Variants in CENPC observed in about 807,000 individuals in gnomAD.
CENPC encodes CENP-C 1.
In CENPC, 63 loss-of-function variants were observed where a neutral mutation model predicts 112.1. The observed-to-expected ratio is 0.56, with a 90% confidence interval of 0.46 to 0.69. The LOEUF is 0.69. Among genes scored for constraint, CENPC ranks in the 30% least tolerant of loss-of-function variants. The probability of loss-of-function intolerance (pLI) is 0.00; values close to 1 mark genes in which losing one functional copy is unlikely to be tolerated. For synonymous variants in CENPC, 333 were observed against 367.6 expected (o/e 0.91, Z 1.08); for missense variants, 1,000 against 1,103.8 (o/e 0.91, Z 1.33).
chr4:67,478,707 A>C (rs1277276565), intron 17 of CENPC, among the ~76,000 whole-genome samples: 2 of 151,924 alleles, frequency 1.3e-5, no homozygotes, highest in African/African-American at 2.4e-5. Flanking sequence ...TGAACAGAAC[A>C]GTACCTCACA....
intron 6 of CENPC, among the ~76,000 whole-genome samples, chr4:67,518,773 CAAAAG>C (rs1726133307): frequency 6.6e-6 from 1 of 152,056 alleles, no homozygotes; most frequent in Non-Finnish European, 1.5e-5. Context: ...TCTCCAAATG[CAAAAG>C]ACCTTGAATC....
intron 18 of CENPC, among the ~76,000 whole-genome samples, chr4:67,473,109 T>C (rs772310820): frequency 3.9e-5 from 6 of 152,298 alleles, no homozygotes; most frequent in Non-Finnish European, 7.3e-5. Flanking sequence ...TTTTTCTTTT[T>C]CTGGAGAACG....
At chr4:67,544,032 T>G (rs1054082752) in intron 2 of CENPC, 117 bp downstream of exon 2, 1 of 652,198 alleles carries the variant, frequency 1.5e-6, no homozygotes, top group Non-Finnish European at 2.8e-6. Context: ...CTACCCTTAA[T>G]CAGTGGGCAC....
intron 5 of CENPC, 43 bp downstream of exon 5, chr4:67,530,772 T>G (rs1326430692): frequency 3.9e-6 from 4 of 1,014,292 alleles, no homozygotes; most frequent in Non-Finnish European, 5.8e-6. Flanking sequence ...TCTCATTTTT[T>G]AAATATATCC....
At chr4:67,519,154 C>A in intron 6 of CENPC, 63 bp downstream of exon 6, 2 of 1,215,674 alleles carry the variant, frequency 1.6e-6, no homozygotes, top group Non-Finnish European at 2.3e-6. Context: ...ATTGAATTAC[C>A]ATTTTTTAAT....
chr4:67,499,780 G>A (rs756551870), intron 12 of CENPC, among the ~76,000 whole-genome samples: 3 of 152,032 alleles, frequency 2.0e-5, no homozygotes, highest in East Asian at 3.8e-4. Context: ...GGACTATCTC[G>A]GTTTCTGACA....
At position 67,472,400 on chromosome 4, in the gene CENPC, C is replaced by T. The variant is rs1486157819; in HGVS notation, c.*205G>A. The stretch of plus-strand genomic sequence containing the variant: ...AAAATAATATCATAAATATGGACAT[C>T]GCTACAAGCTATTATGTACAGTCAC... On this transcript the variant is annotated 3_prime_UTR_variant, in exon 19 of 19. Coordinates refer to ENST00000273853, the MANE Select transcript of CENPC (RefSeq NM_001812.4). The T allele has an allele frequency of 8.2e-6, 4 of 486,276 alleles. No individual in the cohort carries two copies. Among genetic ancestry groups the T allele is most frequent in the Admixed American group, 4.9e-5 (1 of 20,580 alleles). 30.1% of individuals were successfully genotyped at this position (486,276 alleles called of 1,614,324 possible). A position where few individuals can be genotyped will look rare whatever the true frequency, so the allele number is the denominator to read the frequency against.
At chr4:67,475,628 T>C (rs1724783268) in intron 17 of CENPC, among the ~76,000 whole-genome samples, 1 of 152,222 alleles carries the variant, frequency 6.6e-6, no homozygotes, top group African/African-American at 2.4e-5. Flanking sequence ...AGATGGAGTC[T>C]CACTCTGTCA....
rs544160508 is a variant in CENPC, at chr4:67,542,759, A to C, written c.65+1390T>G. Among the ~76,000 whole-genome samples the C allele has an allele frequency of 2.0e-5, 3 of 152,254 alleles. No individual in the cohort carries two copies. In the East Asian group the frequency reaches 5.8e-4, roughly 29 times the overall value. ...TGGCCGGTTTTCTACCAGAATATAT[A>C]TAGGTGACTATTATAAATTCTGGCC... is the stretch of plus-strand genomic sequence containing the variant. On this transcript the variant is annotated intron_variant, in intron 2 of 18. Coordinates refer to ENST00000273853, the MANE Select transcript of CENPC (RefSeq NM_001812.4).
chr4:67,470,350 C>T lies in CENPC; in HGVS notation c.*2255G>A, dbSNP rs1724621938. ...CTTTGGGAGGCTGAGGTGGGTGGAT[C>T]ACCCTGAGGTCAGGAATTCGAGACA... On this transcript the variant is annotated 3_prime_UTR_variant, in exon 19 of 19. Coordinates refer to ENST00000273853, the MANE Select transcript of CENPC (RefSeq NM_001812.4). 1 of 152,170 alleles carries T rather than the reference C, an allele frequency of 6.6e-6. No homozygotes were observed. The highest frequency in any genetic ancestry group is 2.1e-4 in the South Asian group (1 of 4,820). 9.4% of individuals were successfully genotyped at this position (152,170 alleles called of 1,614,324 possible).
rs996542509 is a variant in CENPC at position 67,492,348 on chromosome 4, A to T, written c.2420-73T>A. ...TCTCAATCCCAAAAAGTTCAGTACAAAATATAGCTATAGAGAAGTTATAAA... is the reference window on the plus strand; with the variant it reads ...TCTCAATCCCAAAAAGTTCAGTACATAATATAGCTATAGAGAAGTTATAAA... On this transcript the variant is annotated intron_variant, in intron 15 of 18. Transcript: ENST00000273853. 2.6e-5 allele frequency: 23 copies of T among 876,644 alleles called. No homozygotes were observed. In the Admixed American group the frequency reaches 4.1e-4, roughly 16 times the overall value. 54.3% of individuals were successfully genotyped at this position (876,644 alleles called of 1,614,324 possible).
In CENPC at chr4:67,495,757, A is replaced by G. The variant is rs1482742477; in HGVS notation, c.2132-545T>C. ...CCTGATAATGGATAATTAATATGCT[A>G]TTTATGAACTATCTGTAACTTTCTC... is the stretch of plus-strand genomic sequence containing the variant. On this transcript the variant is annotated intron_variant, in intron 12 of 18. Coordinates refer to ENST00000273853, the MANE Select transcript of CENPC (RefSeq NM_001812.4). Among the ~76,000 whole-genome samples the G allele has an allele frequency of 2.6e-5, 4 of 152,194 alleles. No individual in the cohort carries two copies. In the East Asian group the frequency reaches 7.7e-4, roughly 29 times the overall value.
In CENPC at chr4:67,512,480, C is replaced by A; in HGVS notation, c.1534G>T (p.Glu512Ter). The change falls in exon 9 of 19, where the codon GAA (glutamate) becomes TAA (stop). Residue 512 changes from glutamate to a stop codon, truncating the protein, a stop_gained. Transcript: ENST00000273853. LOFTEE classifies it high-confidence loss of function. ...SESKNKLVPE[E>*]VTSTVTKSRR... ...CTTTTCGTGACAGTTGAAGTCACTT[C>A]TTCAGGTACAAGTTTGTTCTTGGAC... 6.3e-7 allele frequency: 1 copy of A among 1,597,998 alleles called. No homozygotes were observed. Among genetic ancestry groups the A allele is most frequent in the Non-Finnish European group, 8.5e-7 (1 of 1,171,934 alleles).
rs187437348 is a variant in CENPC, at chr4:67,493,954, G to A, written c.2220C>T (p.Thr740=). 31 of 1,612,244 alleles carry A rather than the reference G, an allele frequency of 1.9e-5. No homozygotes were observed. In the East Asian group the frequency reaches 6.7e-4, roughly 35 times the overall value. Residue 740 remains threonine, a synonymous_variant, in exon 14 of 19, where the codon ACC becomes ACT. Transcript: ENST00000273853. ...LPSNTPNVRR[T]KRTRLKPLEY... ...CCAAAGGTTTCAAACGTGTTCTCTT[G>A]GTCCTGCGAACATTTGGTGTGTTGG...
chr4:67,475,067 C>T, intron 17 of CENPC, 89 bp from the exon 18 acceptor site: 1 of 695,392 alleles, frequency 1.4e-6, no homozygotes, highest in Non-Finnish European at 2.5e-6. Context: ...AGAATAACGA[C>T]TCCCCACAAA....
chr4:67,526,242 G>C (rs141264005), intron 5 of CENPC, among the ~76,000 whole-genome samples: 2 of 151,884 alleles, frequency 1.3e-5, no homozygotes, highest in African/African-American at 2.4e-5. Context: ...CCAAGATGAC[G>C]GGTTGATAGG....
intron 17 of CENPC, among the ~76,000 whole-genome samples, chr4:67,488,850 T>C (rs1190227584): frequency 1.3e-5 from 2 of 152,000 alleles, no homozygotes; most frequent in Non-Finnish European, 2.9e-5. Context: ...CTAACTATAC[T>C]GATGTAGTAA....
At chr4:67,530,485 A>C (rs1475390206) in intron 5 of CENPC, among the ~76,000 whole-genome samples, 4 of 152,086 alleles carry the variant, frequency 2.6e-5, no homozygotes, top group Admixed American at 2.6e-4. Context: ...AGGCTACCTC[A>C]GCAGAATGAT....
chr4:67,473,085 T>G (rs534717631), intron 18 of CENPC, among the ~76,000 whole-genome samples: 39 of 151,994 alleles, frequency 2.6e-4, no homozygotes, highest in South Asian at 1.7e-3. Context: ...TATTTACTTA[T>G]TTTTTGTTTT....
Sources: allele counts gnomAD v4.1 joint callset (sites outside exome capture counted in the v4.1 genomes callset), GRCh38; gene constraint gnomAD v4.1.1; transcripts MANE v1.5; gene names NCBI Gene and HGNC (gene_info 2026-07-23, HGNC 2026-07-21).